Variants in EHBP1 observed in about 807,000 individuals in gnomAD.
EHBP1 encodes EH domain binding protein 1.
EHBP1 carries 55 observed loss-of-function variants against 144.0 expected under a neutral mutation model. The observed-to-expected ratio is 0.38, with a 90% CI of 0.31 to 0.48. The LOEUF (loss-of-function observed/expected upper bound fraction) is 0.48. Among genes scored for constraint, EHBP1 ranks in the 20% least tolerant of loss-of-function variants. The pLI, the probability that EHBP1 is intolerant of heterozygous loss-of-function variation, is 0.98. For missense variants in EHBP1, 1,200 were observed against 1,364.2 expected (o/e 0.88, Z 1.90); for synonymous variants, 469 against 472.7 (o/e 0.99, Z 0.10).
intron 10 of EHBP1, among the ~76,000 whole-genome samples, chr2:62,900,969 A>G (rs1340024162): frequency 6.6e-6 from 1 of 152,134 alleles, no homozygotes; most frequent in Non-Finnish European, 1.5e-5. Flanking sequence ...AATTTCTTTA[A>G]AAGTCTTATA....
At chr2:62,986,164 A>G (rs1175864226) in intron 15 of EHBP1, among the ~76,000 whole-genome samples, 1 of 152,246 alleles carries the variant, frequency 6.6e-6, no homozygotes, top group Non-Finnish European at 1.5e-5. Flanking sequence ...TATTCTGAAC[A>G]CTTTTTGACA....
intron 1 of EHBP1, among the ~76,000 whole-genome samples, chr2:62,678,898 ATTATT>A (rs1420736808): frequency 6.6e-6 from 1 of 152,096 alleles, no homozygotes; most frequent in Admixed American, 6.6e-5. Context: ...ATCCTTAATT[ATTATT>A]TTAAATTATT....
intron 4 of EHBP1, among the ~76,000 whole-genome samples, chr2:62,769,599 A>T (rs909037901): frequency 6.6e-6 from 1 of 152,166 alleles, no homozygotes; most frequent in Admixed American, 6.5e-5. Flanking sequence ...CAATTTACAG[A>T]TTCAGTGCTA....
intron 5 of EHBP1, among the ~76,000 whole-genome samples, chr2:62,773,296 AT>A (rs200516045): frequency 2.0e-5 from 3 of 151,468 alleles, no homozygotes; most frequent in Admixed American, 6.6e-5. Context: ...TTTGAGAATA[AT>A]TTTTTTTTCT....
chr2:63,036,317 G>A (rs2153358854), intron 19 of EHBP1, among the ~76,000 whole-genome samples: 1 of 152,134 alleles, frequency 6.6e-6, no homozygotes, highest in African/African-American at 2.4e-5. Flanking sequence ...AAACATGTAT[G>A]TGTCTATAGA....
rs1047622094 is a variant in EHBP1 at position 62,885,014 on chromosome 2, A to T, written c.1185+10482A>T. 5.0e-4 allele frequency among the ~76,000 whole-genome samples: 76 copies of T among 152,230 alleles called. 1 individual carries two copies. The highest frequency in any genetic ancestry group is 1.8e-3 in the African/African-American group (75 of 41,458). On this transcript the variant is annotated intron_variant, in intron 10 of 22. Transcript: ENST00000431489. ...TGAAAAGGACAAAATAATTTAATTA[A>T]ACCTTTTGGATAAAAAACGGCTCAA...
chr2:62,865,441 A>G (rs568126685), intron 9 of EHBP1, among the ~76,000 whole-genome samples: 1 of 152,332 alleles, frequency 6.6e-6, no homozygotes, highest in South Asian at 2.1e-4. Context: ...CAAGCTCAGT[A>G]TGAATAGACT....
chr2:62,689,722 A>G (rs750418418), intron 1 of EHBP1, among the ~76,000 whole-genome samples: 8 of 152,184 alleles, frequency 5.3e-5, no homozygotes, highest in Non-Finnish European at 1.0e-4. Context: ...ACAAGAATCC[A>G]AATCTTATGG....
chr2:62,885,584 T>A (rs951861391), intron 10 of EHBP1, among the ~76,000 whole-genome samples: 1 of 152,158 alleles, frequency 6.6e-6, no homozygotes, highest in Non-Finnish European at 1.5e-5. Context: ...GCAATTTAAG[T>A]TATTAGAAAA....
At chr2:62,694,158 T>TG (rs1375404704) in intron 1 of EHBP1, among the ~76,000 whole-genome samples, 1 of 152,242 alleles carries the variant, frequency 6.6e-6, no homozygotes, top group East Asian at 1.9e-4. Context: ...TTGCAAGTCA[T>TG]GGGTATCACT....
intron 10 of EHBP1, among the ~76,000 whole-genome samples, chr2:62,898,749 AGAAG>A (rs1253033317): frequency 6.6e-6 from 1 of 152,136 alleles, no homozygotes; most frequent in East Asian, 1.9e-4. Flanking sequence ...AAAGAGGGAG[AGAAG>A]GAAGGAAGGA....
At chr2:62,842,727 T>C (rs1212255518) in intron 7 of EHBP1, among the ~76,000 whole-genome samples, 6 of 152,180 alleles carry the variant, frequency 3.9e-5, no homozygotes, top group African/African-American at 7.2e-5. Context: ...TTAGAGAATA[T>C]GGTGTATTAT....
intron 2 of EHBP1, among the ~76,000 whole-genome samples, chr2:62,723,414 A>G (rs1176246059): frequency 6.6e-6 from 1 of 152,144 alleles, no homozygotes; most frequent in East Asian, 1.9e-4. Context: ...CAGCATACCA[A>G]TAAGTCTTGG....
chr2:62,737,712 G>A (rs1374554190), intron 2 of EHBP1, among the ~76,000 whole-genome samples: 1 of 152,034 alleles, frequency 6.6e-6, no homozygotes, highest in East Asian at 1.9e-4. Flanking sequence ...ATGTATGAGG[G>A]TTCCAGTTTC....
intron 19 of EHBP1, among the ~76,000 whole-genome samples, chr2:63,020,944 C>A (rs537608378): frequency 5.5e-5 from 8 of 145,928 alleles, no homozygotes; most frequent in Non-Finnish European, 1.2e-4. Flanking sequence ...TCCCAAAGTG[C>A]TGGGATTACA....
chr2:62,783,684 G>C (rs1054241738), intron 5 of EHBP1, among the ~76,000 whole-genome samples: 8 of 152,356 alleles, frequency 5.3e-5, no homozygotes, highest in African/African-American at 1.9e-4. Flanking sequence ...TCCCAAGGCT[G>C]CACACAGCAG....
intron 10 of EHBP1, among the ~76,000 whole-genome samples, chr2:62,931,715 C>T (rs1461013749): frequency 6.6e-6 from 1 of 152,176 alleles, no homozygotes; most frequent in African/African-American, 2.4e-5. Context: ...TTCTTCCGTG[C>T]AGGATGTGAA....
rs543179926 is a variant in EHBP1, at chr2:63,035,600, C to T, written c.3104-1935C>T. 2.6e-5 allele frequency among the ~76,000 whole-genome samples: 4 copies of T among 152,032 alleles called. No homozygotes were observed. The East Asian group carries it at 5.8e-4, about 22-fold the overall frequency. ...ACCTCAAATTATAGGTTAAGTTAAA[C>T]GCAAAAGAAAGTTTTAATAAGTCTA... On this transcript the variant is annotated intron_variant, in intron 19 of 22. Coordinates refer to ENST00000431489, the MANE Select transcript of EHBP1 (RefSeq NM_001142616.3).
At chr2:62,995,630 C>CT (rs1459205013) in intron 18 of EHBP1, among the ~76,000 whole-genome samples, 1 of 151,942 alleles carries the variant, frequency 6.6e-6, no homozygotes, top group Non-Finnish European at 1.5e-5. Flanking sequence ...GTTATAAGTG[C>CT]TTATGATAGG....
Sources: allele counts gnomAD v4.1 joint callset (sites outside exome capture counted in the v4.1 genomes callset), GRCh38; gene constraint gnomAD v4.1.1; transcripts MANE v1.5; gene names NCBI Gene and HGNC (gene_info 2026-07-23, HGNC 2026-07-21).